Variants in NFX1 observed in about 807,000 individuals in gnomAD.
The protein encoded by NFX1 is nuclear transcription factor, X-box binding 1.
A neutral mutation model predicts 137.2 loss-of-function variants in NFX1; 69 were observed. That is an observed-to-expected ratio of 0.50 (90% confidence interval 0.41 to 0.61). NFX1 has a LOEUF of 0.61. Ranked by LOEUF, NFX1 falls within the 20% of genes least tolerant of loss-of-function variation. The probability of loss-of-function intolerance (pLI) is 0.00; values close to 1 mark genes in which losing one functional copy is unlikely to be tolerated. For synonymous variants in NFX1, 495 were observed against 474.1 expected, an observed-to-expected ratio of 1.04 and a Z score of -0.57; for missense variants, 1,167 against 1,391.0, an observed-to-expected ratio of 0.84 and a Z score of 2.56.
In NFX1 at chr9:33,321,249, G is replaced by C. The variant is rs916643561; in HGVS notation, c.1906+2122G>C. 2.0e-5 allele frequency among the ~76,000 whole-genome samples: 3 copies of C among 152,088 alleles called. No individual in the cohort carries two copies. In the East Asian group the frequency reaches 5.8e-4, roughly 29 times the overall value. ...ACTGGCAGTAACAGACCTTGGGATG[G>C]GACAAGACCAGGTTAAGGGATAAGA... On this transcript the variant is annotated intron_variant, in intron 9 of 23. Transcript: ENST00000379540.
chr9:33,344,405 T>C (rs1317960925), intron 14 of NFX1, among the ~76,000 whole-genome samples: 1 of 152,192 alleles, frequency 6.6e-6, no homozygotes, highest in African/African-American at 2.4e-5. Flanking sequence ...CAAACACACC[T>C]AAAAACGTTG....
intron 19 of NFX1, among the ~76,000 whole-genome samples, chr9:33,363,509 C>A (rs1360734861): frequency 6.6e-6 from 1 of 152,040 alleles, no homozygotes; most frequent in African/African-American, 2.4e-5. Context: ...GTCTCGAACT[C>A]CTGGCCTCAA....
intron 4 of NFX1, among the ~76,000 whole-genome samples, chr9:33,303,928 T>G (rs1821665175): frequency 6.6e-6 from 1 of 152,216 alleles, no homozygotes; most frequent in Admixed American, 6.5e-5. Flanking sequence ...CCTGAAGCAT[T>G]GCATTTTTGC....
intron 2 of NFX1, 107 bp downstream of exon 2, chr9:33,295,534 T>A (rs1270895327): frequency 7.9e-7 from 1 of 1,268,046 alleles, no homozygotes; most frequent in Non-Finnish European, 1.1e-6. Flanking sequence ...AAAGTTACAC[T>A]GTAAAAAGTC....
At position 33,344,054 on chromosome 9, in the gene NFX1, C is replaced by T. The variant is rs760786103; in HGVS notation, c.2225-15C>T. The stretch of plus-strand genomic sequence containing the variant: ...CTCAGAAAGGATTCTTTTGTTTTAC[C>T]TGCTGCTCCACCAGGTTTTGATGAA... On this transcript the variant is annotated splice_polypyrimidine_tract_variant and intron_variant, in intron 13 of 23. Transcript: ENST00000379540. 5 of 1,613,552 alleles carry T rather than the reference C, an allele frequency of 3.1e-6. No individual in the cohort carries two copies. The highest frequency in any genetic ancestry group is 4.2e-6 in the Non-Finnish European group (5 of 1,179,714).
At chr9:33,343,987 G>A in intron 13 of NFX1, 82 bp from the exon 14 acceptor site, 1 of 1,559,612 alleles carries the variant, frequency 6.4e-7, no homozygotes, top group Non-Finnish European at 8.8e-7. Flanking sequence ...AAGCAAAAAT[G>A]TGTGTGTTTG....
rs746464469 is a variant in NFX1, at chr9:33,313,695, C to G, written c.1490C>G (p.Ser497Cys). 6.2e-7 allele frequency: 1 copy of G among 1,614,162 alleles called. No homozygotes were observed. Among genetic ancestry groups the G allele is most frequent in the East Asian group, 2.2e-5 (1 of 44,884 alleles). Residue 497 changes from serine to cysteine, a missense_variant, in exon 7 of 24, where the codon TCT becomes TGT. Physicochemically the swap from Ser to Cys is moderately radical, Grantham distance 112. This residue lies in a region of NFX1 where 488 missense variants were observed against 691.5 expected (regional missense o/e 0.71). Coordinates refer to ENST00000379540, the MANE Select transcript of NFX1 (RefSeq NM_002504.6). ...RCGQAVSVHCSNPCENILNCG... is the reference protein window; with the variant it reads ...RCGQAVSVHCCNPCENILNCG... ...GGTCAGGCTGTCTCAGTCCACTGTT[C>G]TAACCCATGTGAGAATATTTTGAAC... is the stretch of plus-strand genomic sequence containing the variant.
chr9:33,293,279 A>G (rs1488581475), intron 1 of NFX1, among the ~76,000 whole-genome samples: 1 of 152,200 alleles, frequency 6.6e-6, no homozygotes, highest in East Asian at 1.9e-4. Flanking sequence ...AGTGCTTAGG[A>G]TAGTGCCTGG....
chr9:33,299,991 G>T lies in NFX1; in HGVS notation c.1034-1272G>T, dbSNP rs560069312. Among the ~76,000 whole-genome samples the T allele has an allele frequency of 5.5e-4, 82 of 150,364 alleles. 1 individual carries two copies. The South Asian group carries it at 0.017, about 31-fold the overall frequency. ...AATTTTGACTTTTAAATTTCTAGTT[G>T]TGTGACCTTGGATAAATGATCTAAC... On this transcript the variant is annotated intron_variant, in intron 2 of 23. Transcript: ENST00000379540.
At chr9:33,312,911 C>G (rs934402375) in intron 6 of NFX1, among the ~76,000 whole-genome samples, 1 of 152,172 alleles carries the variant, frequency 6.6e-6, no homozygotes, top group African/African-American at 2.4e-5. Context: ...ATATCCTTCT[C>G]TCAGCAAAAT....
intron 14 of NFX1, among the ~76,000 whole-genome samples, chr9:33,344,433 T>C (rs1823338120): frequency 6.6e-6 from 1 of 152,236 alleles, no homozygotes; most frequent in South Asian, 2.1e-4. Context: ...CCCCAGCTGA[T>C]CTTATCTCTC....
Position 33,332,490 on chromosome 9 carries a change from C to G in NFX1, c.2023C>G (p.Leu675Val), listed in dbSNP as rs557505661. The change falls in exon 11 of 24, where the codon CTC (leucine) becomes GTC (valine). Residue 675 changes from leucine (L) to valine (V), a missense_variant. Physicochemically the swap from Leu to Val is conservative, Grantham distance 32. This residue lies in a region of NFX1 where 488 missense variants were observed against 691.5 expected (regional missense o/e 0.71). Transcript: ENST00000379540. The part of the protein sequence containing the change: ...FRTKELPCTS[L>V]KSEDATFMCD... ...TCCATAGGAGCTTCCATGTACCAGT[C>G]TCAAAAGTGAAGGTATGACTGGGGT... 6.3e-7 allele frequency: 1 copy of G among 1,585,652 alleles called. No individual in the cohort carries two copies. Among genetic ancestry groups the G allele is most frequent in the African/African-American group, 1.3e-5 (1 of 74,374 alleles).
In NFX1 at chr9:33,303,172, C is replaced by T; in HGVS notation, c.1193-19C>T. The stretch of plus-strand genomic sequence containing the variant: ...TTTGGAAGAAAATTTATTTGGCCTA[C>T]TCCCATTTTTCCTGACAGATGGCCA... On this transcript the variant is annotated intron_variant, in intron 3 of 23. Coordinates refer to ENST00000379540, the MANE Select transcript of NFX1 (RefSeq NM_002504.6). 6.2e-7 allele frequency: 1 copy of T among 1,609,828 alleles called. No individual in the cohort carries two copies. Among genetic ancestry groups the T allele is most frequent in the South Asian group, 1.1e-5 (1 of 90,906 alleles).
intron 19 of NFX1, among the ~76,000 whole-genome samples, chr9:33,356,388 A>G (rs1232689877): frequency 6.6e-6 from 1 of 152,068 alleles, no homozygotes; most frequent in Non-Finnish European, 1.5e-5. Context: ...GGCTCTATGT[A>G]TACATTGTGA....
rs1822458191 is a variant in NFX1, at chr9:33,323,415, A to G, written c.1906+4288A>G. 2.6e-5 allele frequency among the ~76,000 whole-genome samples: 4 copies of G among 152,248 alleles called. No individual in the cohort carries two copies. The South Asian group carries it at 6.2e-4, about 24-fold the overall frequency. The stretch of plus-strand genomic sequence containing the variant: ...CAGAAACTGCCTTGTGAGAGTGACC[A>G]GATGTCAGATTTCACAAAGACTGTA... On this transcript the variant is annotated intron_variant, in intron 9 of 23. Coordinates refer to ENST00000379540, the MANE Select transcript of NFX1 (RefSeq NM_002504.6).
chr9:33,313,567 G>T, intron 6 of NFX1, 87 bp from the exon 7 acceptor site: 1 of 1,340,046 alleles, frequency 7.5e-7, no homozygotes. Flanking sequence ...TGGGTTTTGA[G>T]GGGAGAGTTA....
At chr9:33,356,991 CAAA>C (rs371390697) in intron 19 of NFX1, among the ~76,000 whole-genome samples, 4 of 102,614 alleles carry the variant, frequency 3.9e-5, no homozygotes, top group Non-Finnish European at 3.9e-5. Context: ...AATGCTGTCT[CAAA>C]AAAAAAAAAA....
chr9:33,309,692 A>G (rs1821894102), intron 5 of NFX1, among the ~76,000 whole-genome samples: 1 of 152,200 alleles, frequency 6.6e-6, no homozygotes, highest in Non-Finnish European at 1.5e-5. Context: ...CAGTGGTGCT[A>G]TCGTAGCTCA....
At chr9:33,343,147 TTC>T (rs754279851) in intron 13 of NFX1, among the ~76,000 whole-genome samples, 2 of 152,216 alleles carry the variant, frequency 1.3e-5, no homozygotes, top group Admixed American at 6.5e-5. Flanking sequence ...CTCAACAATC[TTC>T]TTTCTCTATA....
Sources: allele counts gnomAD v4.1 joint callset (sites outside exome capture counted in the v4.1 genomes callset), GRCh38; gene constraint gnomAD v4.1.1; regional missense constraint gnomAD v4.1.1; transcripts MANE v1.5; gene names NCBI Gene and HGNC (gene_info 2026-07-23, HGNC 2026-07-21).